CBLB: variants seen among roughly 807,000 people sequenced by gnomAD.
CBLB encodes Cbl proto-oncogene B, also known as E3 ubiquitin-protein ligase CBL-B.
CBLB carries 31 observed loss-of-function variants against 104.9 expected under a neutral mutation model. That is an observed-to-expected ratio of 0.30 (90% CI 0.22 to 0.40). CBLB has a LOEUF of 0.40. Among genes scored for constraint, CBLB ranks in the 10% least tolerant of loss-of-function variants. The probability of loss-of-function intolerance (pLI) is 1.00; values close to 1 mark genes in which losing one functional copy is unlikely to be tolerated. For missense variants in CBLB, 1,062 were observed against 1,214.6 expected (o/e 0.87, Z 1.87); for synonymous variants, 440 against 422.6 (o/e 1.04, Z -0.51).
At chr3:105,780,140 AC>A (rs2080006621) in intron 3 of CBLB, among the ~76,000 whole-genome samples, 2 of 151,986 alleles carry the variant, frequency 1.3e-5, no homozygotes, top group Non-Finnish European at 2.9e-5. Flanking sequence ...GGCATGAGAC[AC>A]CGTGCCCAGC....
At chr3:105,698,413 G>C (rs546269707) in intron 12 of CBLB, among the ~76,000 whole-genome samples, 1 of 151,918 alleles carries the variant, frequency 6.6e-6, no homozygotes, top group Non-Finnish European at 1.5e-5. Context: ...GAAGGGAAGC[G>C]AGTCCTCGCC....
chr3:105,682,829 T>C (rs969454203), intron 14 of CBLB, among the ~76,000 whole-genome samples: 2 of 152,124 alleles, frequency 1.3e-5, no homozygotes, highest in African/African-American at 4.8e-5. Context: ...TTCTTCGGAA[T>C]CATACTATGA....
chr3:105,727,259 A>T (rs1179828105), intron 9 of CBLB, among the ~76,000 whole-genome samples: 2 of 152,174 alleles, frequency 1.3e-5, no homozygotes, highest in Non-Finnish European at 2.9e-5. Context: ...CTGGCGTGAG[A>T]TGGTTATCTC....
intron 13 of CBLB, among the ~76,000 whole-genome samples, chr3:105,692,222 GTACT>G (rs552704213): frequency 2.6e-5 from 4 of 152,122 alleles, no homozygotes; most frequent in Admixed American, 6.6e-5. Flanking sequence ...TATTCTCTGT[GTACT>G]TACTTACTAT....
Position 105,656,148 on chromosome 3 carries a change from TA to T in CBLB, c.*2821del, listed in dbSNP as rs1175806265. 2 of 220,250 alleles carry T rather than the reference TA, an allele frequency of 9.1e-6. No individual in the cohort carries two copies. The highest frequency in any genetic ancestry group is 1.8e-5 in the Non-Finnish European group (2 of 109,850). The allele number at this position is 220,250 out of a possible 1,614,324, so 13.6% of individuals were successfully genotyped here. A position where few individuals can be genotyped will look rare whatever the true frequency, so the allele number is the denominator to read the frequency against. On this transcript the variant is annotated 3_prime_UTR_variant, in exon 19 of 19. Transcript: ENST00000394030. ...TAGGGGATAAAACAGATTATGGAGA[TA>T]AATTTACTGGAATATAATTGAGGAT...
chr3:105,818,529 G>C (rs2085371210), intron 3 of CBLB, among the ~76,000 whole-genome samples: 1 of 152,016 alleles, frequency 6.6e-6, no homozygotes, highest in African/African-American at 2.4e-5. Context: ...AAATTGCACT[G>C]AAATTTATGA....
At chr3:105,779,201 G>A (rs1457473221) in intron 3 of CBLB, among the ~76,000 whole-genome samples, 2 of 151,898 alleles carry the variant, frequency 1.3e-5, no homozygotes, top group Non-Finnish European at 1.5e-5. Context: ...GAAACACAAC[G>A]CCAGTGATTA....
At chr3:105,819,190 C>T (rs1256775197) in intron 3 of CBLB, among the ~76,000 whole-genome samples, 1 of 152,068 alleles carries the variant, frequency 6.6e-6, no homozygotes, top group Non-Finnish European at 1.5e-5. Flanking sequence ...ACAGATTCAT[C>T]AAAACACATA....
chr3:105,834,858 A>G (rs1465802502), intron 3 of CBLB, among the ~76,000 whole-genome samples: 2 of 152,188 alleles, frequency 1.3e-5, no homozygotes, highest in African/African-American at 4.8e-5. Context: ...AAGATACCCT[A>G]TATTCTTCAG....
At chr3:105,772,089 A>G (rs1342696167) in intron 4 of CBLB, among the ~76,000 whole-genome samples, 1 of 152,154 alleles carries the variant, frequency 6.6e-6, no homozygotes, top group Non-Finnish European at 1.5e-5. Flanking sequence ...CGAAAAGAAC[A>G]AATCTGGAGG....
At position 105,751,569 on chromosome 3, in the gene CBLB, G is replaced by T; in HGVS notation, c.616C>A (p.Gln206Lys). The T allele has an allele frequency of 6.2e-7, 1 of 1,612,372 alleles. No homozygotes were observed. Among genetic ancestry groups the T allele is most frequent in the Non-Finnish European group, 8.5e-7 (1 of 1,178,486 alleles). ...ATTGCTTCCAGGCCAGAGCTAATCT[G>T]GTGGACCTCATGAAGGCACTGTCTG... is the stretch of plus-strand genomic sequence containing the variant. ...VFRQCLHEVH[Q>K]ISSGLEAMAL... The change falls in exon 5 of 19, where the codon CAG becomes AAG. Residue 206 changes from glutamine to lysine, a missense_variant. Around this residue, in one of 2 missense-constraint regions of CBLB, gnomAD observed 457 missense variants for 632.0 expected, o/e 0.72. Coordinates refer to ENST00000394030, the MANE Select transcript of CBLB (RefSeq NM_170662.5).
chr3:105,724,410 T>C (rs1440020638), intron 9 of CBLB, among the ~76,000 whole-genome samples: 1 of 152,156 alleles, frequency 6.6e-6, no homozygotes, highest in African/African-American at 2.4e-5. Flanking sequence ...ATACTTGGAC[T>C]GGACTTCTAC....
intron 9 of CBLB, among the ~76,000 whole-genome samples, 157 bp from the exon 10 acceptor site, chr3:105,720,407 A>C (rs1372802020): frequency 6.6e-6 from 1 of 152,178 alleles, no homozygotes; most frequent in Non-Finnish European, 1.5e-5. Context: ...GTGGGTATAG[A>C]ACAGGGAGCC....
At chr3:105,831,293 C>T (rs2087475377) in intron 3 of CBLB, among the ~76,000 whole-genome samples, 1 of 152,320 alleles carries the variant, frequency 6.6e-6, no homozygotes, top group East Asian at 1.9e-4. Flanking sequence ...TCTTCCATGA[C>T]ATCTTTTCCT....
intron 10 of CBLB, among the ~76,000 whole-genome samples, chr3:105,708,264 T>C (rs978890900): frequency 2.6e-5 from 4 of 152,086 alleles, no homozygotes; most frequent in Non-Finnish European, 5.9e-5. Context: ...ATAGAGCCAA[T>C]CCCCTGGCTC....
chr3:105,826,936 G>A (rs1285748999), intron 3 of CBLB, among the ~76,000 whole-genome samples: 2 of 152,084 alleles, frequency 1.3e-5, no homozygotes, highest in East Asian at 3.8e-4. Context: ...TCACTCCCTG[G>A]TTTTCTTCAA....
intron 10 of CBLB, among the ~76,000 whole-genome samples, chr3:105,705,412 T>C (rs2069938947): frequency 6.6e-6 from 1 of 152,220 alleles, no homozygotes; most frequent in Non-Finnish European, 1.5e-5. Context: ...TGCAGGATAC[T>C]GTATTAGTTT....
Position 105,693,599 on chromosome 3 carries a change from AT to A in CBLB, c.1960-12del. ...ACCATTGGAAAAGACCTGAAAGTAA[AT>A]CAAATTGTTAGTTTCCAAGAATTTA... is the stretch of plus-strand genomic sequence containing the variant. On this transcript the variant is annotated splice_polypyrimidine_tract_variant and intron_variant, in intron 12 of 18. Coordinates refer to ENST00000394030, the MANE Select transcript of CBLB (RefSeq NM_170662.5). The A allele has an allele frequency of 6.3e-7, 1 of 1,582,142 alleles. No homozygotes were observed. Among genetic ancestry groups the A allele is most frequent in the Non-Finnish European group, 8.7e-7 (1 of 1,151,840 alleles).
Position 105,751,594 on chromosome 3 carries a change from G to A in CBLB, c.591C>T (p.Phe197=). 6.2e-7 allele frequency: 1 copy of A among 1,613,286 alleles called. No homozygotes were observed. Among genetic ancestry groups the A allele is most frequent in the Non-Finnish European group, 8.5e-7 (1 of 1,179,340 alleles). Residue 197 remains phenylalanine (F), a synonymous_variant, in exon 5 of 19, where the codon TTC becomes TTT. Coordinates refer to ENST00000394030, the MANE Select transcript of CBLB (RefSeq NM_170662.5). ...GDKTIVPWKV[F]RQCLHEVHQI... ...GGTGGACCTCATGAAGGCACTGTCT[G>A]AATACTTTCCATGGTACGATAGTTC...
Sources: allele counts gnomAD v4.1 joint callset (sites outside exome capture counted in the v4.1 genomes callset), GRCh38; gene constraint gnomAD v4.1.1; regional missense constraint gnomAD v4.1.1; transcripts MANE v1.5; gene names NCBI Gene and HGNC (gene_info 2026-07-23, HGNC 2026-07-21).